Variants in ADAP1 observed in about 807,000 individuals in gnomAD.
ADAP1 encodes arf-GAP with dual PH domain-containing protein 1.
In ADAP1, 31 loss-of-function variants were observed where a neutral mutation model predicts 54.9. That is an observed-to-expected ratio of 0.56 (90% CI 0.42 to 0.76). The LOEUF is 0.76. ADAP1 is among the 30% of genes least tolerant of loss of function. The pLI is 0.00. For missense variants in ADAP1, 535 were observed against 512.4 expected, an observed-to-expected ratio of 1.04 and a Z score of -0.42; for synonymous variants, 313 against 202.6, an observed-to-expected ratio of 1.55 and a Z score of -4.63.
chr7:936,139 C>T (rs1846754636), intron 1 of ADAP1, among the ~76,000 whole-genome samples: 1 of 152,174 alleles, frequency 6.6e-6, no homozygotes. Context: ...GTCTGGTTTG[C>T]CTTAAAAGGT....
intron 4 of ADAP1, among the ~76,000 whole-genome samples, chr7:910,343 G>A (rs559575773): frequency 3.3e-5 from 5 of 151,746 alleles, no homozygotes; most frequent in African/African-American, 7.3e-5. Flanking sequence ...TTGACCTTCC[G>A]GGCTCAAGTG....
Position 898,850 on chromosome 7 carries a change from C to A in ADAP1, c.*71G>T. The A allele has an allele frequency of 6.5e-7, 1 of 1,545,024 alleles. No homozygotes were observed. Among genetic ancestry groups the A allele is most frequent in the South Asian group, 1.2e-5 (1 of 84,296 alleles). ...GCCAGGTGGCCTCAGGACGCCAGAGCCCCCCCATCCACGGGTCCCCTCCGT... is the reference window on the plus strand; with the variant it reads ...GCCAGGTGGCCTCAGGACGCCAGAGACCCCCCATCCACGGGTCCCCTCCGT... On this transcript the variant is annotated 3_prime_UTR_variant, in exon 11 of 11. Coordinates refer to ENST00000265846, the MANE Select transcript of ADAP1 (RefSeq NM_006869.4).
At position 945,108 on chromosome 7, in the gene ADAP1, G is replaced by A. The variant is rs78658482; in HGVS notation, c.82+9288C>T. Among the ~76,000 whole-genome samples the A allele has an allele frequency of 3.2e-3, 485 of 152,288 alleles. 1 individual carries two copies. The highest frequency in any genetic ancestry group is 4.4e-3 in the Non-Finnish European group (297 of 68,018). ...GGGAGCTAGAGTCCCCCAGCTTCCA[G>A]TAAGGAAAAAGCCTGGCTGGTCCCC... On this transcript the variant is annotated intron_variant, in intron 1 of 10. Coordinates refer to ENST00000265846, the MANE Select transcript of ADAP1 (RefSeq NM_006869.4). The surrounding 1 kb of genome is among the most constrained non-coding windows in gnomAD (Gnocchi z 4.2).
rs370122184 is a variant in ADAP1, at chr7:946,003, C to T, written c.82+8393G>A. 1.3e-5 allele frequency among the ~76,000 whole-genome samples: 2 copies of T among 152,062 alleles called. No individual in the cohort carries two copies. The highest frequency in any genetic ancestry group is 2.1e-4 in the South Asian group (1 of 4,834). On this transcript the variant is annotated intron_variant, in intron 1 of 10. Transcript: ENST00000265846. The surrounding 1 kb of genome is among the most constrained non-coding windows in gnomAD (Gnocchi z 4.3). ...CGCACAGCAGAGATCCCGGTGCAATCGAGGCCGGGTCGGACGCTGGCTCTG... is the reference window on the plus strand; with the variant it reads ...CGCACAGCAGAGATCCCGGTGCAATTGAGGCCGGGTCGGACGCTGGCTCTG...
At chr7:937,093 C>A (rs951129761) in intron 1 of ADAP1, among the ~76,000 whole-genome samples, 2 of 109,674 alleles carry the variant, frequency 1.8e-5, no homozygotes, top group Non-Finnish European at 3.9e-5. Flanking sequence ...TTGGGGGTCA[C>A]GCCGGGCCTC....
At chr7:902,913 CCACAGTCTAAGCCAGGCAGGAGGTAG>C (rs1177664324) in intron 6 of ADAP1, among the ~76,000 whole-genome samples, 1 of 152,204 alleles carries the variant, frequency 6.6e-6, no homozygotes, top group Non-Finnish European at 1.5e-5. Context: ...CTATATCTAG[CCACAGTCTAAGCCAGGCAGGAGGTAG>C]AACAGTCCAA....
At chr7:899,973 G>A (rs981052774) in intron 8 of ADAP1, 129 bp downstream of exon 8, 3 of 1,127,640 alleles carry the variant, frequency 2.7e-6, no homozygotes, top group African/African-American at 1.5e-5. Flanking sequence ...GCACAGACAA[G>A]GGGCTGTGAG....
intron 2 of ADAP1, among the ~76,000 whole-genome samples, chr7:927,885 A>AT (rs34205114): frequency 0.16 from 24,179 of 151,832 alleles, 2,142 homozygotes; most frequent in South Asian, 0.27. Flanking sequence ...AATTTATTAT[A>AT]TTTTTTTACC....
rs1200601298 is a variant in ADAP1 at position 938,629 on chromosome 7, G to A, written c.83-3124C>T. On this transcript the variant is annotated intron_variant, in intron 1 of 10. Transcript: ENST00000265846. The surrounding 1 kb of genome is among the most constrained non-coding windows in gnomAD (Gnocchi z 4.4). The stretch of plus-strand genomic sequence containing the variant: ...TGCCGCAAATGCTCGGTACGTGGCT[G>A]TGCGAGGGGCGCCCAGAAGGCACGC... 6.6e-6 allele frequency among the ~76,000 whole-genome samples: 1 copy of A among 152,212 alleles called. No homozygotes were observed. Among genetic ancestry groups the A allele is most frequent in the Non-Finnish European group, 1.5e-5 (1 of 68,038 alleles).
chr7:945,052 G>T lies in ADAP1; in HGVS notation c.82+9344C>A. On this transcript the variant is annotated intron_variant, in intron 1 of 10. Coordinates refer to ENST00000265846, the MANE Select transcript of ADAP1 (RefSeq NM_006869.4). The surrounding 1 kb of genome is among the most constrained non-coding windows in gnomAD (Gnocchi z 4.2). ...CTCTGCAGGGTGGGCTCACGTGTGTGTGTGCAGGTGTGTGTGTGTGCAAGG... is the reference window on the plus strand; with the variant it reads ...CTCTGCAGGGTGGGCTCACGTGTGTTTGTGCAGGTGTGTGTGTGTGCAAGG... 6.6e-6 allele frequency among the ~76,000 whole-genome samples: 1 copy of T among 152,142 alleles called. No individual in the cohort carries two copies. The highest frequency in any genetic ancestry group is 1.5e-5 in the Non-Finnish European group (1 of 68,026).
intron 2 of ADAP1, chr7:927,416 G>T: frequency 2.0e-6 from 1 of 495,156 alleles, no homozygotes; most frequent in Non-Finnish European, 4.0e-6. Flanking sequence ...AGCCCCGAGG[G>T]CATGGGAGAG....
At chr7:902,414 C>T (rs1234377401) in intron 6 of ADAP1, among the ~76,000 whole-genome samples, 4 of 71,380 alleles carry the variant, frequency 5.6e-5, no homozygotes, top group Non-Finnish European at 1.2e-4. Flanking sequence ...GCCGAGATTG[C>T]ACCACTGCAC....
chr7:898,429 A>G lies in ADAP1; in HGVS notation c.*492T>C. ...CACCCAAACACCCCACGGCCCTCAT[A>G]GCCCCGTGACACACAACAGGCGCTC... is the stretch of plus-strand genomic sequence containing the variant. On this transcript the variant is annotated 3_prime_UTR_variant, in exon 11 of 11. Transcript: ENST00000265846. 4.8e-6 allele frequency: 1 copy of G among 207,440 alleles called. No homozygotes were observed. The allele number at this position is 207,440 out of a possible 1,614,324, so 12.8% of individuals were successfully genotyped here. A position where few individuals can be genotyped will look rare whatever the true frequency, so the allele number is the denominator to read the frequency against.
rs1474334483 is a variant in ADAP1 at position 909,156 on chromosome 7, GGTCCTCCC to G, written c.389-3992_389-3985del. On this transcript the variant is annotated intron_variant, in intron 4 of 10. Transcript: ENST00000265846. Reference sequence around the variant, plus strand: ...GACAGCAGGCGCCAGCGGGAACCCCGGTCCTCCCGACAGCAGGCGCCAGCGGGAACCCC... The same window carrying G: ...GACAGCAGGCGCCAGCGGGAACCCCGGACAGCAGGCGCCAGCGGGAACCCC... Among the ~76,000 whole-genome samples, 40 of 144,052 alleles carry G rather than the reference GGTCCTCCC, an allele frequency of 2.8e-4. 2 individuals carry two copies. Among genetic ancestry groups the G allele is most frequent in the South Asian group, 6.9e-4 (3 of 4,330 alleles). The allele number at this position is 144,052 out of a possible 152,430, so 94.5% of individuals were successfully genotyped here. A position where few individuals can be genotyped will look rare whatever the true frequency, so the allele number is the denominator to read the frequency against.
At chr7:905,270 CA>C (rs1845059442) in intron 4 of ADAP1, 98 bp from the exon 5 acceptor site, 2 of 507,716 alleles carry the variant, frequency 3.9e-6, no homozygotes, top group East Asian at 9.4e-5. Context: ...GGGGAGAAGA[CA>C]CGGGGGACAC....
chr7:921,025 G>GAT lies in ADAP1; in HGVS notation c.306-976_306-975insAT, dbSNP rs942574480. 10 of 633,954 alleles carry GAT rather than the reference G, an allele frequency of 1.6e-5. No individual in the cohort carries two copies. The African/African-American group carries it at 1.8e-4, about 12-fold the overall frequency. 39.3% of individuals were successfully genotyped at this position (633,954 alleles called of 1,614,324 possible). A position where few individuals can be genotyped will look rare whatever the true frequency, so the allele number is the denominator to read the frequency against. On this transcript the variant is annotated intron_variant, in intron 3 of 10. Coordinates refer to ENST00000265846, the MANE Select transcript of ADAP1 (RefSeq NM_006869.4). ...GCTGGGTCTCTGGCCCCTGGCCCCA[G>GAT]GTGTGTGTGTGTCCCCCACCTGCTA...
chr7:913,907 C>T (rs950014070), intron 4 of ADAP1, among the ~76,000 whole-genome samples: 5 of 152,226 alleles, frequency 3.3e-5, no homozygotes, highest in African/African-American at 1.2e-4. Context: ...TGCACCGCAG[C>T]CTGGGCAACA....
At chr7:903,907 G>C (rs1219045012) in intron 6 of ADAP1, 6 of 553,410 alleles carry the variant, frequency 1.1e-5, no homozygotes, top group Non-Finnish European at 1.8e-5. Flanking sequence ...CTGCCTTCCT[G>C]CACCTGTCTT....
At chr7:949,229 G>C (rs1040831949) in intron 1 of ADAP1, among the ~76,000 whole-genome samples, 3 of 152,236 alleles carry the variant, frequency 2.0e-5, no homozygotes, top group African/African-American at 7.2e-5. Flanking sequence ...CTGGAGTTCA[G>C]CCCTTGTGGG....
Sources: allele counts gnomAD v4.1 joint callset (sites outside exome capture counted in the v4.1 genomes callset), GRCh38; gene constraint gnomAD v4.1.1; non-coding constraint Gnocchi (gnomAD v3.1); transcripts MANE v1.5; gene names NCBI Gene and HGNC (gene_info 2026-07-23, HGNC 2026-07-21).